Variants in PARD3B observed in about 807,000 individuals in gnomAD.
PARD3B encodes partitioning defective 3 homolog B.
In PARD3B, 103 loss-of-function variants were observed where a neutral mutation model predicts 130.2. That is an observed-to-expected ratio of 0.79 (90% CI 0.67 to 0.93). The LOEUF (loss-of-function observed/expected upper bound fraction) is 0.93, where lower values mean the gene tolerates loss of function less well. Among genes scored for constraint, PARD3B ranks in the 40% least tolerant of loss-of-function variants. The pLI is 0.00. For synonymous variants in PARD3B, 583 were observed against 553.2 expected (o/e 1.05, Z -0.76); for missense variants, 1,609 against 1,499.2 (o/e 1.07, Z -1.21).
chr2:204,852,733 A>G (rs896388215), intron 2 of PARD3B, among the ~76,000 whole-genome samples: 1 of 152,286 alleles, frequency 6.6e-6, no homozygotes, highest in African/African-American at 2.4e-5. Flanking sequence ...AGCTGTTCTA[A>G]TTATTCCATT....
chr2:204,741,306 T>G (rs938043208), intron 2 of PARD3B, among the ~76,000 whole-genome samples: 4 of 152,164 alleles, frequency 2.6e-5, no homozygotes, highest in Non-Finnish European at 5.9e-5. Context: ...AGGAAAGAAA[T>G]AACTTTTTCT....
Position 205,286,484 on chromosome 2 carries a change from G to A in PARD3B, c.2186-14046G>A, listed in dbSNP as rs571155892. 3.3e-5 allele frequency among the ~76,000 whole-genome samples: 5 copies of A among 152,216 alleles called. No homozygotes were observed. In the South Asian group the frequency reaches 1.0e-3, roughly 32 times the overall value. On this transcript the variant is annotated intron_variant, in intron 16 of 22. Transcript: ENST00000406610. ...AACCTTTCAATTCCAAGTCCCCACT[G>A]AACATGCCTCCTATATCAAATCTTG...
intron 1 of PARD3B, among the ~76,000 whole-genome samples, chr2:204,626,885 G>A (rs916352552): frequency 1.3e-5 from 2 of 151,964 alleles, no homozygotes; most frequent in Non-Finnish European, 1.5e-5. Flanking sequence ...CTATGATATG[G>A]TTTGGTTCTG....
intron 19 of PARD3B, among the ~76,000 whole-genome samples, chr2:205,406,614 A>G (rs576925540): frequency 1.3e-5 from 2 of 150,798 alleles, no homozygotes; most frequent in African/African-American, 4.9e-5. Context: ...AGCTTATCTA[A>G]TTAAGTACAT....
At chr2:204,851,221 A>G (rs886696622) in intron 2 of PARD3B, among the ~76,000 whole-genome samples, 1 of 152,152 alleles carries the variant, frequency 6.6e-6, no homozygotes, top group Non-Finnish European at 1.5e-5. Context: ...TTTATTCCTC[A>G]GTCACCAAGA....
rs534136699 is a variant in PARD3B, at chr2:204,599,118, A to G, written c.120+52999A>G. Among the ~76,000 whole-genome samples the G allele has an allele frequency of 7.2e-5, 11 of 152,028 alleles. No homozygotes were observed. The East Asian group carries it at 2.1e-3, about 29-fold the overall frequency. On this transcript the variant is annotated intron_variant, in intron 1 of 22. Coordinates refer to ENST00000406610, the MANE Select transcript of PARD3B (RefSeq NM_001302769.2). The stretch of plus-strand genomic sequence containing the variant: ...ACCCTGGTGATCTTTCGATACATAC[A>G]GTGAAGGCACAGTGATCAGATCAGG...
At chr2:205,514,496 T>A (rs2050711411) in intron 21 of PARD3B, among the ~76,000 whole-genome samples, 1 of 152,146 alleles carries the variant, frequency 6.6e-6, no homozygotes. Flanking sequence ...AAGACATTTT[T>A]AAATAAACAT....
chr2:205,273,081 G>A (rs2040802586), intron 16 of PARD3B, among the ~76,000 whole-genome samples: 1 of 152,192 alleles, frequency 6.6e-6, no homozygotes, highest in Non-Finnish European at 1.5e-5. Context: ...GTTTTCCAAT[G>A]TAGACATTGA....
In PARD3B at chr2:205,440,495, T is replaced by C; in HGVS notation, c.2867T>C (p.Val956Ala). Reference sequence around the variant, plus strand: ...GAAATGGACCCCAATTATGCCAGAGTGAACCACTTTCGGGAACCATGCACA... The same window carrying C: ...GAAATGGACCCCAATTATGCCAGAGCGAACCACTTTCGGGAACCATGCACA... ...DDEMDPNYAR[V>A]NHFREPCTSA... The change falls in exon 20 of 23, where the codon GTG becomes GCG. Residue 956 changes from valine (V) to alanine (A), a missense_variant. Val to Ala is a moderately conservative substitution (Grantham distance 64). Coordinates refer to ENST00000406610, the MANE Select transcript of PARD3B (RefSeq NM_001302769.2). The surrounding 1 kb of genome is among the most constrained non-coding windows in gnomAD (Gnocchi z 4.2). 1 of 1,613,982 alleles carries C rather than the reference T, an allele frequency of 6.2e-7. No homozygotes were observed. Among genetic ancestry groups the C allele is most frequent in the Non-Finnish European group, 8.5e-7 (1 of 1,179,954 alleles).
intron 22 of PARD3B, among the ~76,000 whole-genome samples, chr2:205,595,105 T>C (rs750345176): frequency 6.6e-6 from 1 of 151,992 alleles, no homozygotes; most frequent in Non-Finnish European, 1.5e-5. Context: ...ATGAGGTTAT[T>C]GAGGCTCAGG....
At chr2:205,346,735 T>C (rs1214532590) in intron 18 of PARD3B, among the ~76,000 whole-genome samples, 2 of 152,228 alleles carry the variant, frequency 1.3e-5, no homozygotes, top group Non-Finnish European at 2.9e-5. Flanking sequence ...TTTTCATTTA[T>C]GTGATCACAC....
chr2:204,559,116 C>G (rs1474411227), intron 1 of PARD3B, among the ~76,000 whole-genome samples: 1 of 152,184 alleles, frequency 6.6e-6, no homozygotes, highest in Non-Finnish European at 1.5e-5. Context: ...CAATACCATT[C>G]AGGACATAGG....
intron 22 of PARD3B, among the ~76,000 whole-genome samples, chr2:205,613,902 T>G (rs1370895217): frequency 6.6e-6 from 1 of 152,210 alleles, no homozygotes; most frequent in Non-Finnish European, 1.5e-5. Context: ...TCATTGACAG[T>G]GCTTGATTAA....
At chr2:205,380,523 A>ATATATATTATATATAATATATACTT (rs1559033656) in intron 18 of PARD3B, among the ~76,000 whole-genome samples, 2 of 2,074 alleles carry the variant, frequency 9.6e-4, no homozygotes, top group African/African-American at 6.2e-3. Flanking sequence ...TATATAAAGA[A>ATATATATTATATATAATATATACTT]TATATATTAT....
At chr2:205,234,293 A>G (rs1426184964) in intron 15 of PARD3B, among the ~76,000 whole-genome samples, 1 of 152,158 alleles carries the variant, frequency 6.6e-6, no homozygotes, top group Admixed American at 6.5e-5. Context: ...GCTCTCCAAT[A>G]TGGGCGCCAC....
chr2:205,434,383 T>C (rs1164228964), intron 19 of PARD3B, among the ~76,000 whole-genome samples: 2 of 152,194 alleles, frequency 1.3e-5, no homozygotes, highest in African/African-American at 4.8e-5. Context: ...AAATATTGAA[T>C]AAATTAATCT....
rs138712225 is a variant in PARD3B at position 205,595,926 on chromosome 2, C to CA, written c.3261-19520dup. 4.8e-3 allele frequency among the ~76,000 whole-genome samples: 695 copies of CA among 145,476 alleles called. 3 individuals are homozygous for CA. Among genetic ancestry groups the CA allele is most frequent in the African/African-American group, 0.016 (609 of 39,122 alleles). On this transcript the variant is annotated intron_variant, in intron 22 of 22. Coordinates refer to ENST00000406610, the MANE Select transcript of PARD3B (RefSeq NM_001302769.2). ...AGTAACTGTACAAGAACATTTGAGA[C>CA]AAAAAAAAAAGAAGAAGTAATGATG...
chr2:204,861,319 G>T (rs1300349976), intron 2 of PARD3B, among the ~76,000 whole-genome samples: 2 of 151,114 alleles, frequency 1.3e-5, no homozygotes, highest in Non-Finnish European at 2.9e-5. Flanking sequence ...TATATAACTT[G>T]GTTTTTCTAA....
At chr2:204,874,356 C>A (rs1288692935) in intron 2 of PARD3B, among the ~76,000 whole-genome samples, 1 of 152,076 alleles carries the variant, frequency 6.6e-6, no homozygotes, top group Non-Finnish European at 1.5e-5. Context: ...AAAGTAAGCA[C>A]TCCTGAACAA....
Sources: allele counts gnomAD v4.1 joint callset (sites outside exome capture counted in the v4.1 genomes callset), GRCh38; gene constraint gnomAD v4.1.1; non-coding constraint Gnocchi (gnomAD v3.1); transcripts MANE v1.5; gene names NCBI Gene and HGNC (gene_info 2026-07-23, HGNC 2026-07-21).